SLC36A1: variants seen among roughly 807,000 people sequenced by gnomAD.
SLC36A1 encodes the protein solute carrier family 36 member 1.
A neutral mutation model predicts 47.5 loss-of-function variants in SLC36A1; 30 were observed. The observed-to-expected ratio is 0.63, with a 90% CI of 0.47 to 0.86. The LOEUF (loss-of-function observed/expected upper bound fraction) is 0.86, where lower values mean the gene tolerates loss of function less well. Among genes scored for constraint, SLC36A1 ranks in the 40% least tolerant of loss-of-function variants. SLC36A1 has a pLI of 0.00. For synonymous variants in SLC36A1, 255 were observed against 249.7 expected, an observed-to-expected ratio of 1.02 and a Z score of -0.20; for missense variants, 517 against 606.0, an observed-to-expected ratio of 0.85 and a Z score of 1.54.
At chr5:151,407,978 C>T in the SLC36A1 span, among the ~76,000 whole-genome samples, 1 of 152,184 alleles carries the variant, frequency 6.6e-6, no homozygotes, top group East Asian at 1.9e-4. Flanking sequence ...AGGCACTGTG[C>T]TAGTGCTTTA....
chr5:151,549,296 T>C, the SLC36A1 span: 1 of 1,612,462 alleles, frequency 6.2e-7, no homozygotes, highest in African/African-American at 1.3e-5. Flanking sequence ...GCCTCTCACC[T>C]TTCAGGAGGG....
chr5:151,367,916 C>T, the SLC36A1 span, among the ~76,000 whole-genome samples: 1 of 152,160 alleles, frequency 6.6e-6, no homozygotes, highest in Non-Finnish European at 1.5e-5. Context: ...GGGACAGAAT[C>T]TTTTGGCAGG....
chr5:151,518,365 A>ATTATTATT, the SLC36A1 span, among the ~76,000 whole-genome samples: 1 of 69,152 alleles, frequency 1.4e-5, no homozygotes, highest in South Asian at 1.2e-3. Context: ...TAATAATAAT[A>ATTATTATT]ATAATAATAA....
chr5:151,553,399 C>G, the SLC36A1 span: 1 of 1,612,948 alleles, frequency 6.2e-7, no homozygotes. Context: ...TGAAAGGAGG[C>G]CAACACCAAA....
In SLC36A1 at chr5:151,467,252, A is replaced by G; in HGVS notation, c.473A>G (p.Tyr158Cys). 1.9e-6 allele frequency: 3 copies of G among 1,605,696 alleles called. No homozygotes were observed. Among genetic ancestry groups the G allele is most frequent in the Non-Finnish European group, 1.7e-6 (2 of 1,177,184 alleles). ...ACCCAGCTGGGATTCTGCTGTGTCT[A>G]TTTTGTGTTTCTGGCTGACAACTTT... ...IVTQLGFCCV[Y>C]FVFLADNFKQ... Residue 158 changes from tyrosine (Y) to cysteine (C), a missense_variant, in exon 6 of 11, where the codon TAT (tyrosine) becomes TGT (cysteine). Transcript: ENST00000243389.
Position 151,463,539 on chromosome 5 carries a change from G to C in SLC36A1, c.144-14G>C, listed in dbSNP as rs747696384. 2 of 1,599,620 alleles carry C rather than the reference G, an allele frequency of 1.3e-6. No homozygotes were observed. Among genetic ancestry groups the C allele is most frequent in the Non-Finnish European group, 1.7e-6 (2 of 1,166,834 alleles). Reference sequence around the variant, plus strand: ...TGTCATGGTTATCATTTCCTTGGCTGTCTTCCACTTCAGATGGTTCCAGAC... The same window carrying C: ...TGTCATGGTTATCATTTCCTTGGCTCTCTTCCACTTCAGATGGTTCCAGAC... On this transcript the variant is annotated splice_polypyrimidine_tract_variant and intron_variant, in intron 2 of 10. Transcript: ENST00000243389.
chr5:151,442,203 G>A (rs1159864749), intron 1 of SLC36A1, among the ~76,000 whole-genome samples: 2 of 152,082 alleles, frequency 1.3e-5, no homozygotes, highest in Admixed American at 1.3e-4. Context: ...ACAACATGAT[G>A]TTATGCGATA....
At chr5:151,403,361 T>C in the SLC36A1 span, among the ~76,000 whole-genome samples, 16 of 152,212 alleles carry the variant, frequency 1.1e-4, no homozygotes, top group Non-Finnish European at 2.2e-4. Context: ...GATTAAATCA[T>C]GAGAGTGAAT....
Position 151,488,171 on chromosome 5 carries a change from G to T in SLC36A1, c.1348G>T (p.Val450Leu). The change falls in exon 11 of 11, where the codon GTG becomes TTG. Residue 450 changes from valine to leucine, a missense_variant. Val to Leu is a conservative substitution (Grantham distance 32). Coordinates refer to ENST00000243389, the MANE Select transcript of SLC36A1 (RefSeq NM_078483.4). Reference sequence around the variant, plus strand: ...CATCCTGGGCTTCGTGGGCTTTGTGGTGGGGACCTATGAGGCTCTCTATGA... The same window carrying T: ...CATCCTGGGCTTCGTGGGCTTTGTGTTGGGGACCTATGAGGCTCTCTATGA... ...ISILGFVGFV[V>L]GTYEALYELI... The T allele has an allele frequency of 1.2e-6, 2 of 1,614,182 alleles. No individual in the cohort carries two copies. The highest frequency in any genetic ancestry group is 1.7e-6 in the Non-Finnish European group (2 of 1,180,034).
At chr5:151,401,326 G>A in the SLC36A1 span, among the ~76,000 whole-genome samples, 9 of 152,236 alleles carry the variant, frequency 5.9e-5, no homozygotes, top group South Asian at 2.1e-4. Flanking sequence ...TCAAAGATCC[G>A]TTGGTTGTAG....
At chr5:151,412,338 T>C in the SLC36A1 span, among the ~76,000 whole-genome samples, 1 of 144,628 alleles carries the variant, frequency 6.9e-6, no homozygotes, top group Non-Finnish European at 1.5e-5. Context: ...TATGCAGAAA[T>C]TTTCTGTGTG....
rs761076753 is a variant in SLC36A1, at chr5:151,473,657, G to C, written c.724-16G>C. 15 of 1,390,760 alleles carry C rather than the reference G, an allele frequency of 1.1e-5. No individual in the cohort carries two copies. Among genetic ancestry groups the C allele is most frequent in the Middle Eastern group, 1.8e-4 (1 of 5,516 alleles). The allele number at this position is 1,390,760 out of a possible 1,614,324, so 86.2% of individuals were successfully genotyped here. A position where few individuals can be genotyped will look rare whatever the true frequency, so the allele number is the denominator to read the frequency against. ...CTTTTGCTTTGTTTTGCTTTGTTTTGCTTTCTGTCTTTCAGAGGATCCCAG... is the reference window on the plus strand; with the variant it reads ...CTTTTGCTTTGTTTTGCTTTGTTTTCCTTTCTGTCTTTCAGAGGATCCCAG... On this transcript the variant is annotated splice_polypyrimidine_tract_variant and intron_variant, in intron 7 of 10. Transcript: ENST00000243389.
At chr5:151,382,208 G>C in the SLC36A1 span, 11 of 1,226,064 alleles carry the variant, frequency 9.0e-6, no homozygotes, top group Middle Eastern at 3.8e-4. Flanking sequence ...TGTCCTGGGT[G>C]AACCTCATCT....
intron 1 of SLC36A1, among the ~76,000 whole-genome samples, chr5:151,456,414 TG>T (rs1754510853): frequency 6.6e-6 from 1 of 152,318 alleles, no homozygotes; most frequent in Admixed American, 6.5e-5. Flanking sequence ...CATTTGAAAA[TG>T]GTTCACAGGT....
chr5:151,483,416 C>A (rs59906322), intron 10 of SLC36A1, among the ~76,000 whole-genome samples: 2 of 151,544 alleles, frequency 1.3e-5, no homozygotes, highest in Non-Finnish European at 2.9e-5. Context: ...CTCTGTCCCC[C>A]CTTTTGTACA....
At chr5:151,393,734 A>T in the SLC36A1 span, among the ~76,000 whole-genome samples, 1 of 151,782 alleles carries the variant, frequency 6.6e-6, no homozygotes, top group African/African-American at 2.4e-5. Context: ...ATTGGCCCCC[A>T]CTCTCTTCTG....
the SLC36A1 span, among the ~76,000 whole-genome samples, chr5:151,423,950 A>G: frequency 6.7e-6 from 1 of 148,414 alleles, no homozygotes; most frequent in Non-Finnish European, 1.5e-5. Flanking sequence ...TAAAACTACT[A>G]GAAAAAATAC....
At chr5:151,431,652 A>T in the SLC36A1 span, among the ~76,000 whole-genome samples, 3 of 152,138 alleles carry the variant, frequency 2.0e-5, no homozygotes, top group African/African-American at 7.2e-5. Flanking sequence ...GGATAGTTTT[A>T]AAAAAGGGAG....
Position 151,491,467 on chromosome 5 carries a change from T to C in SLC36A1, c.*3213T>C, listed in dbSNP as rs190401232. On this transcript the variant is annotated 3_prime_UTR_variant, in exon 11 of 11. Transcript: ENST00000243389. ...TTTATCAGTAGTCTTAAAGTGTTGA[T>C]CTCAAACAAGTACATTAGAAAAATC... is the stretch of plus-strand genomic sequence containing the variant. 6.5e-6 allele frequency: 1 copy of C among 152,690 alleles called. No homozygotes were observed. Among genetic ancestry groups the C allele is most frequent in the East Asian group, 1.9e-4 (1 of 5,182 alleles). The allele number at this position is 152,690 out of a possible 1,614,324, so 9.5% of individuals were successfully genotyped here.
Sources: allele counts gnomAD v4.1 joint callset (sites outside exome capture counted in the v4.1 genomes callset), GRCh38; gene constraint gnomAD v4.1.1; transcripts MANE v1.5; gene names NCBI Gene and HGNC (gene_info 2026-07-23, HGNC 2026-07-21).